CNTN5: variants seen among roughly 807,000 people sequenced by gnomAD.
CNTN5 encodes contactin-5.
CNTN5 carries 77 observed loss-of-function variants against 129.1 expected under a neutral mutation model. The observed-to-expected ratio is 0.60, with a 90% CI of 0.50 to 0.72. CNTN5 has a LOEUF of 0.72. Among genes scored for constraint, CNTN5 ranks in the 30% least tolerant of loss-of-function variants. The pLI is 0.00. For synonymous variants in CNTN5, 509 were observed against 465.6 expected, an observed-to-expected ratio of 1.09 and a Z score of -1.20; for missense variants, 1,478 against 1,328.8, an observed-to-expected ratio of 1.11 and a Z score of -1.75.
intron 1 of CNTN5, among the ~76,000 whole-genome samples, chr11:99,083,502 T>C (rs771543010): frequency 3.3e-5 from 5 of 152,216 alleles, no homozygotes; most frequent in Non-Finnish European, 7.3e-5. Flanking sequence ...CAGTGATCAC[T>C]GCAAATCTTA....
chr11:99,442,077 A>G (rs1943854966), intron 2 of CNTN5, among the ~76,000 whole-genome samples: 1 of 152,008 alleles, frequency 6.6e-6, no homozygotes, highest in African/African-American at 2.4e-5. Context: ...TTTTTATGGC[A>G]TTTTCACATT....
chr11:99,225,423 T>C (rs1204317526), intron 1 of CNTN5, among the ~76,000 whole-genome samples: 1 of 152,156 alleles, frequency 6.6e-6, no homozygotes, highest in East Asian at 1.9e-4. Context: ...TGTTTCTTTA[T>C]TTTACAACAT....
chr11:100,352,288 A>AG (rs1952435001), intron 24 of CNTN5, among the ~76,000 whole-genome samples: 1 of 151,730 alleles, frequency 6.6e-6, no homozygotes, highest in East Asian at 1.9e-4. Context: ...ATACAGGATA[A>AG]GGAACATTAT....
chr11:100,149,907 A>AG (rs398017287), intron 13 of CNTN5, among the ~76,000 whole-genome samples: 5 of 144,194 alleles, frequency 3.5e-5, no homozygotes, highest in East Asian at 2.0e-4. Context: ...AAAAAAAAAA[A>AG]GAAAAGAAAA....
chr11:99,251,176 A>T (rs1565438338), intron 1 of CNTN5, among the ~76,000 whole-genome samples: 1 of 151,940 alleles, frequency 6.6e-6, no homozygotes, highest in Non-Finnish European at 1.5e-5. Context: ...CATCTAAGCA[A>T]TTCAAAGAAA....
At chr11:100,239,714 G>A (rs749692766) in intron 16 of CNTN5, among the ~76,000 whole-genome samples, 1 of 152,170 alleles carries the variant, frequency 6.6e-6, no homozygotes, top group Admixed American at 6.5e-5. Context: ...TGACTTTCAA[G>A]TTATTCTAGA....
At chr11:99,766,555 C>T (rs1480197306) in intron 3 of CNTN5, among the ~76,000 whole-genome samples, 1 of 151,972 alleles carries the variant, frequency 6.6e-6, no homozygotes, top group Non-Finnish European at 1.5e-5. Context: ...AAGACTACCC[C>T]TTATCAAAAG....
At chr11:100,157,845 TAAATAAAAAAAGC>T (rs147767683) in intron 13 of CNTN5, among the ~76,000 whole-genome samples, 32,692 of 151,518 alleles carry the variant, frequency 0.22, 4,545 homozygotes, top group East Asian at 0.53. Context: ...TCTATATAGA[TAAATAAAAAAAGC>T]ATGTGAAAAA....
Position 99,466,171 on chromosome 11 carries a change from T to C in CNTN5, c.-70-89974T>C, listed in dbSNP as rs1591108640. 5.3e-5 allele frequency among the ~76,000 whole-genome samples: 8 copies of C among 152,220 alleles called. No homozygotes were observed. In the South Asian group the frequency reaches 1.7e-3, roughly 32 times the overall value. ...TGCTGGGATTACAGGCTTGAGCCACTGTGCCCGGCTGATGTCACTTTTAAA... is the reference window on the plus strand; with the variant it reads ...TGCTGGGATTACAGGCTTGAGCCACCGTGCCCGGCTGATGTCACTTTTAAA... On this transcript the variant is annotated intron_variant, in intron 2 of 24. Transcript: ENST00000524871.
intron 1 of CNTN5, among the ~76,000 whole-genome samples, chr11:99,190,108 T>C (rs180860191): frequency 6.6e-6 from 1 of 151,726 alleles, no homozygotes; most frequent in Admixed American, 6.6e-5. Flanking sequence ...CTAATTGTAT[T>C]GTTATGATAT....
intron 1 of CNTN5, among the ~76,000 whole-genome samples, chr11:99,200,192 A>G (rs549702582): frequency 7.0e-4 from 106 of 152,236 alleles, no homozygotes; most frequent in Admixed American, 1.3e-3. Flanking sequence ...CCACCATATT[A>G]CCATTAGCTA....
chr11:100,059,943 T>G (rs747240341), intron 9 of CNTN5, among the ~76,000 whole-genome samples: 2 of 152,072 alleles, frequency 1.3e-5, no homozygotes, highest in South Asian at 4.1e-4. Flanking sequence ...GCATGCTGGC[T>G]CATGCCTGTA....
chr11:100,013,950 G>C (rs1186417998), intron 9 of CNTN5, among the ~76,000 whole-genome samples: 1 of 152,044 alleles, frequency 6.6e-6, no homozygotes, highest in Non-Finnish European at 1.5e-5. Flanking sequence ...TTTGAACTAA[G>C]CATGCTCGTC....
chr11:99,997,709 C>G (rs11222272), intron 8 of CNTN5, among the ~76,000 whole-genome samples: 56,977 of 151,406 alleles, frequency 0.38, 12,213 homozygotes, highest in African/African-American at 0.58. Flanking sequence ...CCAACAAAGA[C>G]AATTTTAGAC....
At chr11:99,569,765 C>A (rs991277375) in intron 3 of CNTN5, among the ~76,000 whole-genome samples, 5 of 152,078 alleles carry the variant, frequency 3.3e-5, no homozygotes, top group African/African-American at 1.2e-4. Context: ...TAGAGGGACA[C>A]AAACTATGCT....
At chr11:99,932,393 A>C (rs929869251) in intron 7 of CNTN5, among the ~76,000 whole-genome samples, 2 of 151,888 alleles carry the variant, frequency 1.3e-5, no homozygotes, top group African/African-American at 4.8e-5. Context: ...GGGTTTCTCC[A>C]TGTTGGCCAG....
At chr11:99,241,291 T>G (rs1038656638) in intron 1 of CNTN5, among the ~76,000 whole-genome samples, 3 of 151,490 alleles carry the variant, frequency 2.0e-5, no homozygotes, top group Non-Finnish European at 4.4e-5. Flanking sequence ...GCATTTTCTA[T>G]TGTGACACTC....
intron 1 of CNTN5, among the ~76,000 whole-genome samples, chr11:99,087,411 T>C (rs1160440505): frequency 1.3e-5 from 2 of 152,184 alleles, no homozygotes; most frequent in Admixed American, 6.5e-5. Flanking sequence ...AATAAAAATA[T>C]TGGAAGTTGC....
At chr11:99,112,757 C>A (rs1172173627) in intron 1 of CNTN5, among the ~76,000 whole-genome samples, 1 of 151,862 alleles carries the variant, frequency 6.6e-6, no homozygotes, top group Non-Finnish European at 1.5e-5. Context: ...TATTTTTACA[C>A]TAAGTAAAAA....
Sources: gnomAD v4.1 joint callset for allele counts (sites outside exome capture counted in the v4.1 genomes callset) on GRCh38, gnomAD v4.1.1 for gene constraint, MANE v1.5 for transcripts, NCBI Gene and HGNC (gene_info 2026-07-23, HGNC 2026-07-21) for gene names.